NLGN4X: variants seen among roughly 807,000 people sequenced by gnomAD.
NLGN4X encodes neuroligin 4 X-linked.
NLGN4X carries 3 observed loss-of-function variants against 40.3 expected under a neutral mutation model. The observed-to-expected ratio is 0.07, with a 90% CI of 0.03 to 0.19. NLGN4X has a LOEUF of 0.19. Ranked by LOEUF, NLGN4X falls within the 10% of genes least tolerant of loss-of-function variation. The pLI is 1.00. For synonymous variants in NLGN4X, 270 were observed against 306.8 expected (o/e 0.88, Z 1.25); for missense variants, 382 against 708.3 (o/e 0.54, Z 5.23).
In NLGN4X at chrX:6,148,441, T is replaced by A. The variant is rs763852083; in HGVS notation, c.472+2554A>T. 4.5e-5 allele frequency among the ~76,000 whole-genome samples: 5 copies of A among 112,147 alleles called. No individual in the cohort carries two copies. In the East Asian group the frequency reaches 1.1e-3, roughly 25 times the overall value. On this transcript the variant is annotated intron_variant, in intron 2 of 5. Coordinates refer to ENST00000381095, the MANE Select transcript of NLGN4X (RefSeq NM_181332.3). ...TCAGCATGATGCCAACATTTCAATA[T>A]GTTGTGGATGCGGAGTTCATTCATT...
At chrX:5,977,999 A>C (rs2035227298) in intron 3 of NLGN4X, among the ~76,000 whole-genome samples, 1 of 112,210 alleles carries the variant, frequency 8.9e-6, no homozygotes, top group Admixed American at 9.4e-5. Flanking sequence ...CGGCTGGTGC[A>C]TTGCTCTTGC....
At chrX:5,950,525 T>G (rs1412851435) in intron 3 of NLGN4X, among the ~76,000 whole-genome samples, 1 of 112,256 alleles carries the variant, frequency 8.9e-6, no homozygotes, top group Admixed American at 9.5e-5. Context: ...TATTTTGATT[T>G]GTTATGGTTT....
At chrX:5,955,972 T>C (rs774680337) in intron 3 of NLGN4X, among the ~76,000 whole-genome samples, 13 of 109,756 alleles carry the variant, frequency 1.2e-4, no homozygotes, top group Middle Eastern at 4.8e-3. Flanking sequence ...TCAGGAAAAA[T>C]GCAAGTAACT....
At chrX:6,169,955 A>G (rs184578144) in intron 1 of NLGN4X, among the ~76,000 whole-genome samples, 128 of 111,984 alleles carry the variant, frequency 1.1e-3, no homozygotes, top group African/African-American at 3.5e-3. Context: ...TCATCATGTT[A>G]GTAGTAGTTT....
intron 3 of NLGN4X, among the ~76,000 whole-genome samples, chrX:5,977,099 G>A (rs1433826128): frequency 8.9e-6 from 1 of 112,916 alleles, no homozygotes; most frequent in Non-Finnish European, 1.9e-5. Flanking sequence ...ACGTTTAGAA[G>A]TTTGTTGTAA....
chrX:5,976,159 G>A (rs1350790946), intron 3 of NLGN4X, among the ~76,000 whole-genome samples: 1 of 112,384 alleles, frequency 8.9e-6, no homozygotes, highest in African/African-American at 3.2e-5. Flanking sequence ...TATCTTCTCT[G>A]ACTTTAATAA....
chrX:5,905,393 C>G (rs958796525), intron 4 of NLGN4X, among the ~76,000 whole-genome samples: 2 of 112,111 alleles, frequency 1.8e-5, no homozygotes, highest in Non-Finnish European at 3.8e-5. Context: ...CTCTTTCCCT[C>G]CATTCAAATG....
At chrX:6,130,863 T>C (rs989533412) in intron 2 of NLGN4X, among the ~76,000 whole-genome samples, 1 of 112,125 alleles carries the variant, frequency 8.9e-6, no homozygotes, top group Non-Finnish European at 1.9e-5. Flanking sequence ...GTGCATTCTT[T>C]AGAGTATTCA....
At chrX:5,897,743 G>A (rs773234786) in intron 5 of NLGN4X, among the ~76,000 whole-genome samples, 39 of 112,118 alleles carry the variant, frequency 3.5e-4, no homozygotes, top group African/African-American at 9.4e-4. Flanking sequence ...TAGAGCCTCC[G>A]TAGGGACTTC....
intron 4 of NLGN4X, among the ~76,000 whole-genome samples, chrX:5,904,157 T>G (rs961152414): frequency 1.8e-5 from 2 of 111,572 alleles, no homozygotes; most frequent in Non-Finnish European, 3.8e-5. Context: ...ACATGTGATT[T>G]CTTTTTCCTT....
At position 6,031,822 on chromosome X, in the gene NLGN4X, G is replaced by A. The variant is rs141143058; in HGVS notation, c.473-2390C>T. ...AAAAATCATTTCTTGTGCAGAAAGG[G>A]CAGAAAAACAGCATGCGAGTTGTCT... is the stretch of plus-strand genomic sequence containing the variant. On this transcript the variant is annotated intron_variant, in intron 2 of 5. Transcript: ENST00000381095. 4.9e-3 allele frequency among the ~76,000 whole-genome samples: 535 copies of A among 109,647 alleles called. 7 individuals carry two copies. The highest frequency in any genetic ancestry group is 0.047 in the Admixed American group (477 of 10,220).
At chrX:5,923,879 A>G (rs2033169557) in intron 3 of NLGN4X, among the ~76,000 whole-genome samples, 1 of 111,695 alleles carries the variant, frequency 9.0e-6, no homozygotes, top group Non-Finnish European at 1.9e-5. Context: ...TTTAATGACC[A>G]ATGTGATTGC....
intron 1 of NLGN4X, among the ~76,000 whole-genome samples, chrX:6,181,258 T>C (rs1301650431): frequency 8.9e-6 from 1 of 111,739 alleles, no homozygotes; most frequent in Non-Finnish European, 1.9e-5. Flanking sequence ...AGTAATCTAT[T>C]ACACTATAAT....
In NLGN4X at chrX:5,940,855, G is replaced by A. The variant is rs999049588; in HGVS notation, c.626-31616C>T. Among the ~76,000 whole-genome samples, 3 of 111,103 alleles carry A rather than the reference G, an allele frequency of 2.7e-5. No individual in the cohort carries two copies. The Admixed American group carries it at 2.9e-4, about 11-fold the overall frequency. On this transcript the variant is annotated intron_variant, in intron 3 of 5. Coordinates refer to ENST00000381095, the MANE Select transcript of NLGN4X (RefSeq NM_181332.3). ...GTTAGGGCTGGGTGTGGTGGCTCAC[G>A]CCAGAAATCTCAGCACTTTGGGAGG...
At chrX:6,099,120 C>T (rs1411783990) in intron 2 of NLGN4X, among the ~76,000 whole-genome samples, 4 of 112,029 alleles carry the variant, frequency 3.6e-5, no homozygotes, top group South Asian at 3.7e-4. Context: ...TGAAGAAATG[C>T]TACATCAGAG....
chrX:6,141,664 C>A (rs1168163849), intron 2 of NLGN4X, among the ~76,000 whole-genome samples: 5 of 109,164 alleles, frequency 4.6e-5, no homozygotes, highest in Non-Finnish European at 9.5e-5. Context: ...ACTAAAAATA[C>A]AAAAATTACC....
intron 2 of NLGN4X, among the ~76,000 whole-genome samples, chrX:6,053,613 C>T (rs750992018): frequency 1.8e-5 from 2 of 111,467 alleles, no homozygotes; most frequent in Non-Finnish European, 3.8e-5. Context: ...GAGATGGCAA[C>T]CTTTCTGATT....
intron 1 of NLGN4X, among the ~76,000 whole-genome samples, chrX:6,179,416 G>A (rs1049311785): frequency 8.9e-6 from 1 of 112,152 alleles, no homozygotes; most frequent in Non-Finnish European, 1.9e-5. Context: ...CAGTTGCATA[G>A]GGCTAGAGTT....
intron 3 of NLGN4X, among the ~76,000 whole-genome samples, chrX:6,007,449 T>C (rs2036131167): frequency 9.0e-6 from 1 of 111,352 alleles, no homozygotes; most frequent in Non-Finnish European, 1.9e-5. Flanking sequence ...ATAACAAAAC[T>C]GAATTTGTAA....
Sources: allele counts gnomAD v4.1 joint callset (sites outside exome capture counted in the v4.1 genomes callset), GRCh38; gene constraint gnomAD v4.1.1; transcripts MANE v1.5; gene names NCBI Gene and HGNC (gene_info 2026-07-23, HGNC 2026-07-21).